The following GTF2IRD2B variants were observed in gnomAD, a reference collection of about 807,000 sequenced individuals.
GTF2IRD2B encodes general transcription factor II-I repeat domain-containing protein 2B.
GTF2IRD2B carries 10 observed loss-of-function variants against 55.6 expected under a neutral mutation model. The ratio of observed to expected loss-of-function variants is 0.18; its 90% CI spans 0.11 to 0.31. GTF2IRD2B has a LOEUF of 0.31. GTF2IRD2B is among the 10% of genes least tolerant of loss of function. The pLI is 1.00. For missense variants in GTF2IRD2B, 206 were observed against 802.7 expected (o/e 0.26, Z 8.98); for synonymous variants, 107 against 320.5 (o/e 0.33, Z 7.12).
Position 75,149,449 on chromosome 7 carries a change from C to A in GTF2IRD2B, c.*152C>A. On this transcript the variant is annotated 3_prime_UTR_variant, in exon 16 of 16. Transcript: ENST00000472837. ...AGGTTGGAGTGCAGTGGCGTGATCTCGGCTTACTGCAACTTCCAGCTCCTG... is the reference window on the plus strand; with the variant it reads ...AGGTTGGAGTGCAGTGGCGTGATCTAGGCTTACTGCAACTTCCAGCTCCTG... The A allele has an allele frequency of 6.6e-6, 4 of 604,522 alleles. No homozygotes were observed. The South Asian group carries it at 7.9e-5, about 12-fold the overall frequency. The allele number at this position is 604,522 out of a possible 1,614,324, so 37.4% of individuals were successfully genotyped here.
chr7:75,132,596 A>G (rs1464607906), intron 8 of GTF2IRD2B, among the ~76,000 whole-genome samples: 1 of 108,284 alleles, frequency 9.2e-6, no homozygotes, highest in Admixed American at 1.2e-4. Flanking sequence ...CGCTTTGTCA[A>G]CCAGCTGGAG....
At chr7:75,105,402 G>A (rs1287865946) in intron 1 of GTF2IRD2B, among the ~76,000 whole-genome samples, 1 of 152,296 alleles carries the variant, frequency 6.6e-6, no homozygotes, top group East Asian at 1.9e-4. Flanking sequence ...TACTCGGGGG[G>A]TTGAGGCAGG....
Position 75,148,846 on chromosome 7 carries a change from G to A in GTF2IRD2B, c.2399G>A (p.Arg800Lys), listed in dbSNP as rs782326474. The A allele has an allele frequency of 4.4e-6, 7 of 1,606,916 alleles. No individual in the cohort carries two copies. Among genetic ancestry groups the A allele is most frequent in the Non-Finnish European group, 1.7e-6 (2 of 1,173,666 alleles). The change falls in exon 16 of 16, where the codon AGG becomes AAG. Residue 800 changes from arginine to lysine, a missense_variant. Transcript: ENST00000472837. ...TGCCTCTGGGAGACTCATTTGACGA[G>A]GAATAATCTGGCCCACTTTCCCACC... is the stretch of plus-strand genomic sequence containing the variant. ...KLCLWETHLT[R>K]NNLAHFPTLK...
intron 3 of GTF2IRD2B, chr7:75,112,764 A>G (rs1584530751): frequency 1.7e-6 from 1 of 586,748 alleles, no homozygotes; most frequent in East Asian, 3.0e-5. Context: ...TTATTAGAAT[A>G]AATTTCAAGG....
chr7:75,103,892 C>T (rs1807669073), intron 1 of GTF2IRD2B, among the ~76,000 whole-genome samples: 1 of 143,796 alleles, frequency 7.0e-6, no homozygotes, highest in East Asian at 2.1e-4. Flanking sequence ...ATTAGCTGGG[C>T]ATGGTGGCAC....
At chr7:75,146,953 AG>A (rs1329921443) in intron 15 of GTF2IRD2B, 2 of 156,546 alleles carry the variant, frequency 1.3e-5, no homozygotes, top group East Asian at 1.9e-4. Flanking sequence ...AAAAAGAAAA[AG>A]AAAAAAAGAA....
In GTF2IRD2B at chr7:75,148,179, G is replaced by A. The variant is rs1809211772; in HGVS notation, c.1732G>A (p.Glu578Lys). ...RGVDENFDVS[E>K]ELLDTVPMTG... ...TGTCGATGAGAATTTCGATGTGTCC[G>A]AAGAACTTCTGGACACGGTGCCCAT... The change falls in exon 16 of 16, where the codon GAA becomes AAA. Residue 578 changes from glutamate (E) to lysine (K), a missense_variant. Physicochemically the swap from Glu to Lys is moderately conservative, Grantham distance 56. Coordinates refer to ENST00000472837, the MANE Select transcript of GTF2IRD2B (RefSeq NM_001003795.3). 6.2e-6 allele frequency: 10 copies of A among 1,613,780 alleles called. No individual in the cohort carries two copies. The highest frequency in any genetic ancestry group is 1.1e-5 in the South Asian group (1 of 91,060).
At chr7:75,103,978 G>A (rs1465744691) in intron 1 of GTF2IRD2B, among the ~76,000 whole-genome samples, 16 of 150,062 alleles carry the variant, frequency 1.1e-4, no homozygotes, top group African/African-American at 1.5e-4. Flanking sequence ...CTTGCAGTGC[G>A]CAGAGATCAT....
At chr7:75,102,161 C>T (rs1420733865) in intron 1 of GTF2IRD2B, among the ~76,000 whole-genome samples, 2 of 150,848 alleles carry the variant, frequency 1.3e-5, no homozygotes, top group Admixed American at 6.6e-5. Context: ...CGCCACCATG[C>T]CCGGCTAATT....
chr7:75,113,807 TG>T (rs1808046922), intron 3 of GTF2IRD2B, among the ~76,000 whole-genome samples: 1 of 138,372 alleles, frequency 7.2e-6, no homozygotes, highest in African/African-American at 2.8e-5. Flanking sequence ...TGTGTGTGTG[TG>T]TGTGTGTGTA....
At chr7:75,093,518 CGAG>C (rs1807334171) in intron 1 of GTF2IRD2B, among the ~76,000 whole-genome samples, 1 of 152,238 alleles carries the variant, frequency 6.6e-6, no homozygotes, top group East Asian at 1.9e-4. Flanking sequence ...TTTCAGCACC[CGAG>C]GAGAAGAAAC....
chr7:75,119,184 ACT>A lies in GTF2IRD2B; in HGVS notation c.239-1701_239-1700del, dbSNP rs1554451654. 6.8e-5 allele frequency among the ~76,000 whole-genome samples: 7 copies of A among 103,414 alleles called. No homozygotes were observed. The South Asian group carries it at 1.8e-3, about 27-fold the overall frequency. The allele number at this position is 103,414 out of a possible 152,430, so 67.8% of individuals were successfully genotyped here. A position where few individuals can be genotyped will look rare whatever the true frequency, so the allele number is the denominator to read the frequency against. On this transcript the variant is annotated intron_variant, in intron 3 of 15. Transcript: ENST00000472837. ...ACTCCAGCTTAGGCGACAGAGTAAG[ACT>A]CTCTCAAAAAAAAAAAAAAAAAAAA...
intron 1 of GTF2IRD2B, chr7:75,093,805 TTGGTG>T (rs1377612581): frequency 2.0e-5 from 3 of 147,320 alleles, no homozygotes; most frequent in African/African-American, 7.6e-5. Flanking sequence ...GCTATGAACA[TTGGTG>T]TACACGTTTT....
rs1809268013 is a variant in GTF2IRD2B at position 75,149,605 on chromosome 7, T to C, written c.*308T>C. 1 of 357,310 alleles carries C rather than the reference T, an allele frequency of 2.8e-6. No homozygotes were observed. Among genetic ancestry groups the C allele is most frequent in the Non-Finnish European group, 5.5e-6 (1 of 182,830 alleles). 22.1% of individuals were successfully genotyped at this position (357,310 alleles called of 1,614,324 possible). ...GTTGGCCAGGCTGGTCTCCAACTCC[T>C]GACCTCAGGTGATCCACCTGCCTCG... On this transcript the variant is annotated 3_prime_UTR_variant, in exon 16 of 16. Coordinates refer to ENST00000472837, the MANE Select transcript of GTF2IRD2B (RefSeq NM_001003795.3).
rs1480825458 is a variant in GTF2IRD2B at position 75,092,617 on chromosome 7, G to C, written c.-154G>C. The C allele has an allele frequency of 6.5e-6, 1 of 153,184 alleles. No homozygotes were observed. Among genetic ancestry groups the C allele is most frequent in the Non-Finnish European group, 1.5e-5 (1 of 68,384 alleles). The allele number at this position is 153,184 out of a possible 1,614,324, so 9.5% of individuals were successfully genotyped here. ...AAAGAGAAAAAGGAGGGCGAGTGGC[G>C]AGCAGGGGCCTCGGCCGCCACCCAC... On this transcript the variant is annotated 5_prime_UTR_variant, in exon 1 of 16. Coordinates refer to ENST00000472837, the MANE Select transcript of GTF2IRD2B (RefSeq NM_001003795.3).
At chr7:75,137,746 G>A (rs1305167174) in intron 11 of GTF2IRD2B, among the ~76,000 whole-genome samples, 1 of 151,490 alleles carries the variant, frequency 6.6e-6, no homozygotes, top group African/African-American at 2.4e-5. Flanking sequence ...AGCCGTAATT[G>A]TGCCACAATA....
chr7:75,114,033 G>A (rs1362734402), intron 3 of GTF2IRD2B, among the ~76,000 whole-genome samples: 5 of 149,522 alleles, frequency 3.3e-5, no homozygotes, highest in African/African-American at 7.4e-5. Context: ...TAGATGGATG[G>A]ATAGATAAGG....
intron 8 of GTF2IRD2B, among the ~76,000 whole-genome samples, chr7:75,131,826 A>ATT (rs1350220708): frequency 8.2e-6 from 1 of 121,518 alleles, no homozygotes; most frequent in African/African-American, 4.3e-5. Context: ...ATGCCACTGC[A>ATT]CTCCACTGGG....
At chr7:75,118,897 TA>T (rs1808260989) in intron 3 of GTF2IRD2B, among the ~76,000 whole-genome samples, 1 of 142,536 alleles carries the variant, frequency 7.0e-6, no homozygotes, top group African/African-American at 2.7e-5. Flanking sequence ...TATTCAGCCA[TA>T]AAAAAGAATG....
Sources: gnomAD v4.1 joint callset for allele counts (sites outside exome capture counted in the v4.1 genomes callset) on GRCh38, gnomAD v4.1.1 for gene constraint, MANE v1.5 for transcripts, NCBI Gene and HGNC (gene_info 2026-07-23, HGNC 2026-07-21) for gene names.